PLCE1: variants seen among roughly 807,000 people sequenced by gnomAD.
PLCE1 encodes 1-phosphatidylinositol 4,5-bisphosphate phosphodiesterase epsilon-1.
A neutral mutation model predicts 242.8 loss-of-function variants in PLCE1; 119 were observed. That is an observed-to-expected ratio of 0.49 (90% CI 0.42 to 0.57). The LOEUF is 0.57. Ranked by LOEUF, PLCE1 falls within the 20% of genes least tolerant of loss-of-function variation. PLCE1 has a pLI of 0.00. For missense variants in PLCE1, 2,441 were observed against 2,788.8 expected (o/e 0.88, Z 2.81); for synonymous variants, 945 against 1,017.4 (o/e 0.93, Z 1.35).
Position 94,252,499 on chromosome 10 carries a change from G to T in PLCE1, c.3279+1G>T. On this transcript the variant is annotated splice_donor_variant, in intron 9 of 32. Transcript: ENST00000371380. LOFTEE classifies it high-confidence loss of function. ...GAAAAAGAAGAAAATCCTCATGAGG[G>T]TAGAGTGTTATTTGTTTATTAAGCA... 1 of 1,611,172 alleles carries T rather than the reference G, an allele frequency of 6.2e-7. No homozygotes were observed. Among genetic ancestry groups the T allele is most frequent in the Non-Finnish European group, 8.5e-7 (1 of 1,178,372 alleles).
chr10:94,185,115 G>A (rs987814523), intron 4 of PLCE1, among the ~76,000 whole-genome samples: 4 of 152,230 alleles, frequency 2.6e-5, no homozygotes, highest in Non-Finnish European at 5.9e-5. Context: ...AGGGGATAAA[G>A]CAATGCCAGG....
chr10:94,097,486 T>C (rs2045357081), intron 2 of PLCE1, among the ~76,000 whole-genome samples: 1 of 152,152 alleles, frequency 6.6e-6, no homozygotes, highest in African/African-American at 2.4e-5. Flanking sequence ...AGTGCCAGGA[T>C]GTAGAGTAGA....
chr10:94,209,432 A>G (rs560328611), intron 4 of PLCE1, among the ~76,000 whole-genome samples: 49 of 152,354 alleles, frequency 3.2e-4, no homozygotes, highest in African/African-American at 1.1e-3. Context: ...TAGTTTTCAG[A>G]TATTCTTTGT....
At chr10:94,197,874 G>A (rs1321925847) in intron 4 of PLCE1, among the ~76,000 whole-genome samples, 4 of 150,684 alleles carry the variant, frequency 2.7e-5, no homozygotes, top group Non-Finnish European at 2.9e-5. Context: ...TTCCAGCTAC[G>A]TGGGAGGCTA....
At chr10:94,202,368 G>C (rs2049012888) in intron 4 of PLCE1, among the ~76,000 whole-genome samples, 1 of 144,750 alleles carries the variant, frequency 6.9e-6, no homozygotes, top group Non-Finnish European at 1.5e-5. Context: ...TTCTTTCATT[G>C]CTTTCTAGTG....
At chr10:94,154,790 A>G (rs1489911583) in intron 3 of PLCE1, among the ~76,000 whole-genome samples, 5 of 151,642 alleles carry the variant, frequency 3.3e-5, no homozygotes, top group Non-Finnish European at 7.4e-5. Context: ...TGTAATCTCA[A>G]CACTTTAGGA....
chr10:94,233,188 C>T (rs111979447), intron 5 of PLCE1, among the ~76,000 whole-genome samples: 13 of 152,304 alleles, frequency 8.5e-5, no homozygotes, highest in African/African-American at 2.6e-4. Flanking sequence ...GCAGGAGTTT[C>T]AGAATAGGGA....
Position 94,179,530 on chromosome 10 carries a change from T to TTTTTTTTTTTTTTTTTTTTTTTTTTTTGA in PLCE1, c.1809+8034_1809+8035insTTTTTTTTTTTTTTTTTTTTTTTTTTTGA, listed in dbSNP as rs10636243. 1.2e-4 allele frequency among the ~76,000 whole-genome samples: 14 copies of TTTTTTTTTTTTTTTTTTTTTTTTTTTTGA among 118,820 alleles called. 1 individual carries two copies. Among genetic ancestry groups the TTTTTTTTTTTTTTTTTTTTTTTTTTTTGA allele is most frequent in the African/African-American group, 1.9e-4 (6 of 31,016 alleles). 78.0% of individuals were successfully genotyped at this position (118,820 alleles called of 152,430 possible). The stretch of plus-strand genomic sequence containing the variant: ...TAGTTTAGTTTTTTTTTTTTTTTTT[T>TTTTTTTTTTTTTTTTTTTTTTTTTTTTGA]GACAGGGTCTCTGTTGCCCAGGCTG... On this transcript the variant is annotated intron_variant, in intron 4 of 32. Transcript: ENST00000371380.
intron 3 of PLCE1, among the ~76,000 whole-genome samples, chr10:94,168,880 TG>T (rs1485891157): frequency 6.6e-6 from 1 of 152,202 alleles, no homozygotes; most frequent in Non-Finnish European, 1.5e-5. Flanking sequence ...AAATTTCGGT[TG>T]GCCTCTTTCA....
At chr10:94,074,125 G>T (rs1182800964) in intron 2 of PLCE1, among the ~76,000 whole-genome samples, 3 of 151,548 alleles carry the variant, frequency 2.0e-5, no homozygotes, top group Admixed American at 2.0e-4. Flanking sequence ...GGGAAAACTG[G>T]GTCAGTTTCA....
chr10:94,073,362 T>C (rs1925248), intron 2 of PLCE1, among the ~76,000 whole-genome samples: 50,534 of 151,942 alleles, frequency 0.33, 9,549 homozygotes, highest in African/African-American at 0.52. Flanking sequence ...AAATGTTATG[T>C]CTAAAGTTAT....
chr10:94,286,283 AG>A (rs1311561367), intron 22 of PLCE1, among the ~76,000 whole-genome samples: 1 of 152,106 alleles, frequency 6.6e-6, no homozygotes, highest in Non-Finnish European at 1.5e-5. Context: ...GCATATCTTA[AG>A]CACCTGGTCT....
chr10:94,207,634 A>G (rs927218703), intron 4 of PLCE1, among the ~76,000 whole-genome samples: 1 of 152,034 alleles, frequency 6.6e-6, no homozygotes, highest in African/African-American at 2.4e-5. Flanking sequence ...CACATGAAGC[A>G]CACAGATATT....
intron 29 of PLCE1, among the ~76,000 whole-genome samples, chr10:94,319,063 G>A (rs1433170971): frequency 6.6e-6 from 1 of 151,962 alleles, no homozygotes; most frequent in Non-Finnish European, 1.5e-5. Flanking sequence ...ACAAAAAAAA[G>A]TATATGACAA....
At chr10:94,202,655 T>G (rs1027425959) in intron 4 of PLCE1, among the ~76,000 whole-genome samples, 1 of 152,214 alleles carries the variant, frequency 6.6e-6, no homozygotes, top group African/African-American at 2.4e-5. Flanking sequence ...TTTGTCTTGA[T>G]GACAGTGTAA....
chr10:94,210,875 G>T (rs1004589724), intron 4 of PLCE1, among the ~76,000 whole-genome samples: 1 of 152,060 alleles, frequency 6.6e-6, no homozygotes, highest in Admixed American at 6.6e-5. Context: ...TTCCTTGTTG[G>T]GGCCTCCCTT....
intron 3 of PLCE1, among the ~76,000 whole-genome samples, chr10:94,154,973 TAAGA>T (rs1379776039): frequency 3.3e-5 from 5 of 150,226 alleles, no homozygotes. Context: ...GAAAAAAAAG[TAAGA>T]AAGAAAACTA....
At chr10:94,121,731 A>G (rs553136599) in intron 2 of PLCE1, among the ~76,000 whole-genome samples, 1 of 152,280 alleles carries the variant, frequency 6.6e-6, no homozygotes, top group African/African-American at 2.4e-5. Flanking sequence ...ACCCTAAGGC[A>G]TCTCATTAGA....
At chr10:94,027,969 T>C (rs1356907616) in intron 1 of PLCE1, among the ~76,000 whole-genome samples, 2 of 152,210 alleles carry the variant, frequency 1.3e-5, no homozygotes, top group Non-Finnish European at 2.9e-5. Flanking sequence ...CAGCATAGTC[T>C]ATGGCTAAGA....
Sources: gnomAD v4.1 joint callset for allele counts (sites outside exome capture counted in the v4.1 genomes callset) on GRCh38, gnomAD v4.1.1 for gene constraint, MANE v1.5 for transcripts, NCBI Gene and HGNC (gene_info 2026-07-23, HGNC 2026-07-21) for gene names.